Variants in ARHGEF28 observed in about 807,000 individuals in gnomAD.
The protein encoded by ARHGEF28 is 190 kDa guanine nucleotide exchange factor.
ARHGEF28 carries 152 observed loss-of-function variants against 206.6 expected under a neutral mutation model. The observed-to-expected ratio is 0.74, with a 90% CI of 0.64 to 0.84. The LOEUF (loss-of-function observed/expected upper bound fraction) is 0.84, where lower values mean the gene tolerates loss of function less well. ARHGEF28 is among the 40% of genes least tolerant of loss of function. ARHGEF28 has a pLI of 0.00. For missense variants in ARHGEF28, 2,028 were observed against 2,073.2 expected, an observed-to-expected ratio of 0.98 and a Z score of 0.42; for synonymous variants, 763 against 776.4, an observed-to-expected ratio of 0.98 and a Z score of 0.29.
At chr5:73,929,802 G>A (rs1038512752) in intron 35 of ARHGEF28, among the ~76,000 whole-genome samples, 52 of 152,230 alleles carry the variant, frequency 3.4e-4, no homozygotes, top group African/African-American at 1.2e-3. Flanking sequence ...GATTTCCACA[G>A]TATGTGTCTG....
At chr5:73,673,780 C>T (rs1165445756) in intron 1 of ARHGEF28, among the ~76,000 whole-genome samples, 1 of 152,030 alleles carries the variant, frequency 6.6e-6, no homozygotes, top group Non-Finnish European at 1.5e-5. Context: ...ATCTCTTAAT[C>T]GTCACAACAG....
rs1233805897 is a variant in ARHGEF28, at chr5:73,703,498, G to T, written c.33+18614G>T. Among the ~76,000 whole-genome samples, 3 of 152,242 alleles carry T rather than the reference G, an allele frequency of 2.0e-5. No homozygotes were observed. In the East Asian group the frequency reaches 5.8e-4, roughly 29 times the overall value. ...AGAGGAGGTCAGGTAGCCCACAGGA[G>T]TATTTAAATAAAATAAAAGTCTATT... On this transcript the variant is annotated intron_variant, in intron 2 of 35. Coordinates refer to ENST00000513042, the MANE Select transcript of ARHGEF28 (RefSeq NM_001177693.2).
intron 16 of ARHGEF28, among the ~76,000 whole-genome samples, chr5:73,859,684 G>A (rs949832888): frequency 7.9e-5 from 12 of 152,176 alleles, no homozygotes; most frequent in Non-Finnish European, 1.8e-4. Context: ...TTTGCTCCAA[G>A]TATCGTTTAT....
intron 35 of ARHGEF28, among the ~76,000 whole-genome samples, chr5:73,939,992 C>T (rs1375374045): frequency 6.6e-6 from 1 of 152,084 alleles, no homozygotes; most frequent in African/African-American, 2.4e-5. Flanking sequence ...ATTTGCCCTC[C>T]TTTCCCACCT....
intron 35 of ARHGEF28, among the ~76,000 whole-genome samples, chr5:73,932,522 A>G (rs1764182292): frequency 6.6e-6 from 1 of 152,218 alleles, no homozygotes; most frequent in Non-Finnish European, 1.5e-5. Flanking sequence ...GTGGCCAACC[A>G]GGAGAAGCCC....
intron 1 of ARHGEF28, among the ~76,000 whole-genome samples, chr5:73,671,028 C>T (rs775774056): frequency 5.3e-5 from 8 of 152,058 alleles, no homozygotes; most frequent in East Asian, 3.9e-4. Context: ...CTTGAGAATC[C>T]GATGAAAACT....
At chr5:73,726,921 G>C (rs1750308248) in intron 2 of ARHGEF28, among the ~76,000 whole-genome samples, 1 of 152,112 alleles carries the variant, frequency 6.6e-6, no homozygotes, top group Non-Finnish European at 1.5e-5. Context: ...TAAAAGCAGA[G>C]CTTTTATACA....
intron 2 of ARHGEF28, among the ~76,000 whole-genome samples, chr5:73,731,936 G>A (rs1316477786): frequency 6.6e-6 from 1 of 152,008 alleles, no homozygotes; most frequent in African/African-American, 2.4e-5. Flanking sequence ...GATTGAGAGG[G>A]AGAGGGTAGT....
At chr5:73,675,281 G>C (rs1746583677) in intron 1 of ARHGEF28, among the ~76,000 whole-genome samples, 1 of 152,178 alleles carries the variant, frequency 6.6e-6, no homozygotes, top group Non-Finnish European at 1.5e-5. Flanking sequence ...AGCATGTTGT[G>C]AGATTATAGT....
At chr5:73,871,288 C>T (rs1450329658) in intron 21 of ARHGEF28, among the ~76,000 whole-genome samples, 1 of 152,084 alleles carries the variant, frequency 6.6e-6, no homozygotes, top group African/African-American at 2.4e-5. Context: ...GAAAATCATT[C>T]CTATTTTCTG....
intron 2 of ARHGEF28, among the ~76,000 whole-genome samples, chr5:73,728,172 A>G (rs72770840): frequency 0.18 from 26,657 of 152,192 alleles, 2,705 homozygotes; most frequent in Non-Finnish European, 0.23. Flanking sequence ...AAATTTGATA[A>G]TGATATCTAT....
At chr5:73,810,899 A>G (rs143645709) in intron 9 of ARHGEF28, among the ~76,000 whole-genome samples, 421 of 152,270 alleles carry the variant, frequency 2.8e-3, no homozygotes, top group African/African-American at 9.9e-3. Context: ...TTTGTAATTT[A>G]ATAAGAAACA....
At chr5:73,758,184 G>A (rs1485851815) in intron 4 of ARHGEF28, among the ~76,000 whole-genome samples, 3 of 152,108 alleles carry the variant, frequency 2.0e-5, no homozygotes, top group South Asian at 2.1e-4. Context: ...AGATGGCATC[G>A]TTCCTGTGAA....
Position 73,883,128 on chromosome 5 carries a change from T to G in ARHGEF28, c.2937+534T>G, listed in dbSNP as rs191349956. On this transcript the variant is annotated intron_variant, in intron 23 of 35. Transcript: ENST00000513042. ...TCACTTATTGTATGAGGTGGTTATA[T>G]CTCTTAAATCTCTTTTCATTTGAAT... 5.3e-5 allele frequency among the ~76,000 whole-genome samples: 8 copies of G among 152,306 alleles called. No homozygotes were observed. The East Asian group carries it at 1.5e-3, about 29-fold the overall frequency.
At chr5:73,863,436 G>A (rs577971221) in intron 16 of ARHGEF28, 1 of 152,108 alleles carries the variant, frequency 6.6e-6, no homozygotes, top group South Asian at 2.1e-4. Flanking sequence ...TCCATATTCT[G>A]GAGGGAGTCT....
chr5:73,631,211 T>C (rs140404181), intron 1 of ARHGEF28, among the ~76,000 whole-genome samples: 47 of 152,304 alleles, frequency 3.1e-4, no homozygotes, highest in African/African-American at 1.1e-3. Flanking sequence ...GACTTTTAAG[T>C]ATGGTGAAAA....
chr5:73,883,744 CA>C (rs1256280473), intron 23 of ARHGEF28, 22 bp from the exon 24 acceptor site: 15 of 1,460,960 alleles, frequency 1.0e-5, no homozygotes, highest in Non-Finnish European at 1.4e-5. Context: ...AATTTGTGTA[CA>C]TAAAAGTATA....
chr5:73,686,750 C>T (rs539284285), intron 2 of ARHGEF28, among the ~76,000 whole-genome samples: 37 of 152,130 alleles, frequency 2.4e-4, no homozygotes, highest in Admixed American at 2.1e-3. Flanking sequence ...TCTCGATCTC[C>T]TGACCTCGTG....
intron 2 of ARHGEF28, among the ~76,000 whole-genome samples, chr5:73,704,113 G>T (rs1748782396): frequency 6.6e-6 from 1 of 152,032 alleles, no homozygotes; most frequent in African/African-American, 2.4e-5. Flanking sequence ...GACATTTCCT[G>T]CTTTGACTAA....
Sources: gnomAD v4.1 joint callset for allele counts (sites outside exome capture counted in the v4.1 genomes callset) on GRCh38, gnomAD v4.1.1 for gene constraint, MANE v1.5 for transcripts, NCBI Gene and HGNC (gene_info 2026-07-23, HGNC 2026-07-21) for gene names.